Variants in MS4A3 observed in about 807,000 individuals in gnomAD.
The protein encoded by MS4A3 is membrane-spanning 4-domains subfamily A member 3.
In MS4A3, 18 loss-of-function variants were observed where a neutral mutation model predicts 24.7. That is an observed-to-expected ratio of 0.73 (90% CI 0.50 to 1.08). The LOEUF (loss-of-function observed/expected upper bound fraction) is 1.08. Ranked by LOEUF, MS4A3 falls within the 50% of genes least tolerant of loss-of-function variation. The pLI is 0.00. For synonymous variants in MS4A3, 84 were observed against 95.3 expected, an observed-to-expected ratio of 0.88 and a Z score of 0.69; for missense variants, 282 against 251.7, an observed-to-expected ratio of 1.12 and a Z score of -0.82.
At position 60,062,512 on chromosome 11, in the gene MS4A3, C is replaced by T; in HGVS notation, c.201C>T (p.Val67=). ...CAGCAATGATTCTGGCTTTGGGTGT[C>T]TTTCTGGGTTCCTTGCAATACCCAT... ...LNAAMILALG[V]FLGSLQYPYH... is the part of the protein sequence containing the mutation. Residue 67 remains valine, a synonymous_variant, in exon 3 of 7, where the codon GTC becomes GTT. Coordinates refer to ENST00000278865, the MANE Select transcript of MS4A3 (RefSeq NM_006138.5). 6.2e-7 allele frequency: 1 copy of T among 1,614,108 alleles called. No individual in the cohort carries two copies. Among genetic ancestry groups the T allele is most frequent in the South Asian group, 1.1e-5 (1 of 91,080 alleles).
At chr11:60,061,498 A>G in intron 2 of MS4A3, 182 bp downstream of exon 2, 1 of 721,610 alleles carries the variant, frequency 1.4e-6, no homozygotes, top group East Asian at 2.8e-5. Context: ...AGTCTATTCA[A>G]CGTGAAGAGG....
chr11:60,067,166 G>T, intron 5 of MS4A3, 54 bp downstream of exon 5: 5 of 1,238,006 alleles, frequency 4.0e-6, no homozygotes, highest in East Asian at 2.9e-5. Context: ...AATCCAGGAT[G>T]TACAGAAAAA....
At chr11:60,062,362 C>G in intron 2 of MS4A3, 106 bp from the exon 3 acceptor site, 2 of 1,356,052 alleles carry the variant, frequency 1.5e-6, no homozygotes, top group Non-Finnish European at 2.1e-6. Flanking sequence ...ACACTTTAAC[C>G]ATTTCAAGCA....
Position 60,062,624 on chromosome 11 carries a change from C to T in MS4A3, c.294+19C>T, listed in dbSNP as rs201879200. The T allele has an allele frequency of 2.6e-4, 427 of 1,613,336 alleles. 1 individual carries two copies. The African/African-American group carries it at 3.7e-3, about 14-fold the overall frequency. The stretch of plus-strand genomic sequence containing the variant: ...TGTGTTTGTGAGTATTCGTACTCCC[C>T]TGGCTATATGTTATTTCTTAGATAC... On this transcript the variant is annotated intron_variant, in intron 3 of 6. Transcript: ENST00000278865.
At chr11:60,069,180 A>C (rs1193633388) in intron 5 of MS4A3, among the ~76,000 whole-genome samples, 2 of 152,140 alleles carry the variant, frequency 1.3e-5, no homozygotes, top group Non-Finnish European at 2.9e-5. Flanking sequence ...TAAATGCCTA[A>C]ACCCCTATGA....
chr11:60,058,506 CAAAAAAAAAAAAAAA>C (rs58722616), intron 1 of MS4A3, among the ~76,000 whole-genome samples: 45 of 17,888 alleles, frequency 2.5e-3, no homozygotes, highest in South Asian at 5.7e-3. Context: ...AGCTCCAACT[CAAAAAAAAAAAAAAA>C]AAAAAAAAAA....
chr11:60,068,778 TGTGTC>T (rs1445635564), intron 5 of MS4A3, among the ~76,000 whole-genome samples: 2 of 152,138 alleles, frequency 1.3e-5, no homozygotes, highest in Non-Finnish European at 2.9e-5. Context: ...TATGTATACA[TGTGTC>T]GTGTTTGTTT....
rs528823 is a variant in MS4A3 at position 60,069,624 on chromosome 11, C to T, written c.564C>T (p.Thr188=). 0.29 allele frequency: 460,993 copies of T among 1,610,468 alleles called. 69,586 individuals carry two copies. The highest frequency in any genetic ancestry group is 0.49 in the South Asian group (44,194 of 90,790). ...LILTLLELCV[T]ISTIAMWCNA... ...TCACCTTGCTGGAATTATGCGTAAC[C>T]ATCTCTACCATAGCCATGTGGTGCA... The change falls in exon 6 of 7, where the codon ACC becomes ACT. Residue 188 remains threonine (T), a synonymous_variant. Coordinates refer to ENST00000278865, the MANE Select transcript of MS4A3 (RefSeq NM_006138.5).
intron 1 of MS4A3, among the ~76,000 whole-genome samples, chr11:60,057,954 A>G (rs1000919329): frequency 6.6e-6 from 1 of 152,176 alleles, no homozygotes; most frequent in African/African-American, 2.4e-5. Flanking sequence ...GGCTGGACCA[A>G]AAGTCTGGTT....
At chr11:60,069,453 T>G in intron 5 of MS4A3, 121 bp from the exon 6 acceptor site, 1 of 674,828 alleles carries the variant, frequency 1.5e-6, no homozygotes, top group Non-Finnish European at 2.7e-6. Flanking sequence ...GTCTTTAATT[T>G]ATGGTTCACT....
In MS4A3 at chr11:60,061,146, C is replaced by G. The variant is rs1855265467; in HGVS notation, c.-15C>G. 6.4e-7 allele frequency: 1 copy of G among 1,559,532 alleles called. No homozygotes were observed. The highest frequency in any genetic ancestry group is 8.6e-7 in the Non-Finnish European group (1 of 1,158,462). ...GCTTTGGATTTCTTTTCTATCACAG[C>G]CATAAACAACCCCAATGGCCTCCCA... On this transcript the variant is annotated splice_region_variant and 5_prime_UTR_variant, in exon 2 of 7. Coordinates refer to ENST00000278865, the MANE Select transcript of MS4A3 (RefSeq NM_006138.5).
At chr11:60,068,540 C>T (rs1172602300) in intron 5 of MS4A3, among the ~76,000 whole-genome samples, 3 of 151,838 alleles carry the variant, frequency 2.0e-5, no homozygotes, top group African/African-American at 7.3e-5. Flanking sequence ...GCATGAGCCA[C>T]CGCGCCCAGC....
intron 5 of MS4A3, among the ~76,000 whole-genome samples, chr11:60,067,524 A>C (rs1159325924): frequency 6.6e-6 from 1 of 151,998 alleles, no homozygotes; most frequent in South Asian, 2.1e-4. Context: ...CCATAATTTG[A>C]ATCTTGGGTC....
intron 3 of MS4A3, among the ~76,000 whole-genome samples, chr11:60,063,318 C>T (rs1855307187): frequency 6.6e-6 from 1 of 152,086 alleles, no homozygotes. Flanking sequence ...GAATCATTTC[C>T]ATTATCTGGG....
chr11:60,062,428 G>A, intron 2 of MS4A3, 40 bp from the exon 3 acceptor site: 1 of 1,613,068 alleles, frequency 6.2e-7, no homozygotes, highest in Non-Finnish European at 8.5e-7. Flanking sequence ...GTCCACTTTA[G>A]TATATGACTG....
At position 60,066,910 on chromosome 11, in the gene MS4A3, C is replaced by T. The variant is rs77330283; in HGVS notation, c.352-41C>T. 2.3e-4 allele frequency: 331 copies of T among 1,438,834 alleles called. 1 individual carries two copies. The African/African-American group carries it at 3.8e-3, about 16-fold the overall frequency. 89.1% of individuals were successfully genotyped at this position (1,438,834 alleles called of 1,614,324 possible). A position where few individuals can be genotyped will look rare whatever the true frequency, so the allele number is the denominator to read the frequency against. ...GAATTGTTGCCAAAGGAATGAAGTACGTGCTGCATATATTAATTGAAAATT... is the reference window on the plus strand; with the variant it reads ...GAATTGTTGCCAAAGGAATGAAGTATGTGCTGCATATATTAATTGAAAATT... On this transcript the variant is annotated intron_variant, in intron 4 of 6. Coordinates refer to ENST00000278865, the MANE Select transcript of MS4A3 (RefSeq NM_006138.5).
chr11:60,067,210 A>AACTT, intron 5 of MS4A3, 98 bp downstream of exon 5: 8 of 836,026 alleles, frequency 9.6e-6, no homozygotes, highest in Non-Finnish European at 1.4e-5. Context: ...CATAATTTGA[A>AACTT]TCTTTTTTTT....
intron 4 of MS4A3, 86 bp downstream of exon 4, chr11:60,064,404 C>A: frequency 1.1e-6 from 1 of 921,022 alleles, no homozygotes; most frequent in South Asian, 1.8e-5. Context: ...TCCATGAATA[C>A]AACTGAGACA....
Position 60,066,420 on chromosome 11 carries a change from A to G in MS4A3, c.352-531A>G, listed in dbSNP as rs1409748162. Among the ~76,000 whole-genome samples, 4 of 152,324 alleles carry G rather than the reference A, an allele frequency of 2.6e-5. No homozygotes were observed. The South Asian group carries it at 8.3e-4, about 32-fold the overall frequency. ...CTTTTCATGATCTGCAGAGCCCCAC[A>G]TGATTTGGCTCTCTGTTAACTTTCC... On this transcript the variant is annotated intron_variant, in intron 4 of 6. Coordinates refer to ENST00000278865, the MANE Select transcript of MS4A3 (RefSeq NM_006138.5).
Sources: gnomAD v4.1 joint callset for allele counts (sites outside exome capture counted in the v4.1 genomes callset) on GRCh38, gnomAD v4.1.1 for gene constraint, MANE v1.5 for transcripts, NCBI Gene and HGNC (gene_info 2026-07-23, HGNC 2026-07-21) for gene names.